CSMD1: variants seen among roughly 807,000 people sequenced by gnomAD.
CSMD1 encodes the protein CUB and Sushi multiple domains 1, also known as CUB and sushi domain-containing protein 1.
In CSMD1, 213 loss-of-function variants were observed where a neutral mutation model predicts 417.5. The observed-to-expected ratio is 0.51, with a 90% CI of 0.46 to 0.57. CSMD1 has a LOEUF of 0.57. Ranked by LOEUF, CSMD1 falls within the 20% of genes least tolerant of loss-of-function variation. The probability of loss-of-function intolerance (pLI) is 0.00; values close to 1 mark genes in which losing one functional copy is unlikely to be tolerated. For missense variants in CSMD1, 6,923 were observed against 4,529.7 expected, an observed-to-expected ratio of 1.53 and a Z score of -15.17; for synonymous variants, 2,862 against 1,736.8, an observed-to-expected ratio of 1.65 and a Z score of -16.11.
chr8:4,837,010 G>C (rs906637481), intron 1 of CSMD1, among the ~76,000 whole-genome samples: 2 of 149,380 alleles, frequency 1.3e-5, no homozygotes, highest in African/African-American at 5.1e-5. Context: ...CAGAAGACAG[G>C]GCTCTGGCCT....
At chr8:4,252,012 G>A (rs547066208) in intron 3 of CSMD1, among the ~76,000 whole-genome samples, 5 of 152,196 alleles carry the variant, frequency 3.3e-5, no homozygotes, top group Non-Finnish European at 4.4e-5. Flanking sequence ...GAGAACTTAC[G>A]TATTTTTGAG....
intron 3 of CSMD1, among the ~76,000 whole-genome samples, chr8:4,134,259 C>T (rs1171264652): frequency 6.6e-6 from 1 of 152,098 alleles, no homozygotes; most frequent in Non-Finnish European, 1.5e-5. Context: ...TATTAAATGC[C>T]ATTGCCACAA....
chr8:3,416,315 A>G (rs1477958401), intron 12 of CSMD1, among the ~76,000 whole-genome samples: 4 of 148,830 alleles, frequency 2.7e-5, no homozygotes, highest in Non-Finnish European at 5.9e-5. Context: ...AAAAAAAAAA[A>G]AAAAAAAAAA....
chr8:4,411,253 T>C (rs896138944), intron 3 of CSMD1, among the ~76,000 whole-genome samples: 1 of 152,190 alleles, frequency 6.6e-6, no homozygotes, highest in African/African-American at 2.4e-5. Flanking sequence ...TTACTGAAAA[T>C]TGATTATGAA....
chr8:4,538,242 T>A (rs1797204502), intron 2 of CSMD1, among the ~76,000 whole-genome samples: 1 of 151,432 alleles, frequency 6.6e-6, no homozygotes, highest in Admixed American at 6.6e-5. Context: ...GTGGCACCCT[T>A]ATATTTTTCT....
intron 26 of CSMD1, among the ~76,000 whole-genome samples, chr8:3,277,791 T>A (rs1291141809): frequency 6.6e-6 from 1 of 152,158 alleles, no homozygotes; most frequent in Non-Finnish European, 1.5e-5. Flanking sequence ...AGTACCAGAA[T>A]TGGACATTTA....
intron 2 of CSMD1, among the ~76,000 whole-genome samples, chr8:4,535,753 T>G (rs1239802654): frequency 6.6e-6 from 1 of 152,204 alleles, no homozygotes; most frequent in Non-Finnish European, 1.5e-5. Context: ...TACTCATTGT[T>G]AATAGGTTAG....
chr8:3,157,934 G>A lies in CSMD1; in HGVS notation c.5877C>T (p.Thr1959=), dbSNP rs756108315. The change falls in exon 39 of 70, where the codon ACC becomes ACT. Residue 1959 remains threonine, a synonymous_variant. Transcript: ENST00000635120. ...GRSHISCMPG[T]VRRWNYPSPL... is the part of the protein sequence containing the mutation. ...GAGACGGATAGTTCCAACGGCGAAC[G>A]GTCCCTGGCATACAGGAAATGTGGG... 7.7e-6 allele frequency: 12 copies of A among 1,554,880 alleles called. No individual in the cohort carries two copies. The highest frequency in any genetic ancestry group is 4.8e-5 in the South Asian group (4 of 84,122).
At chr8:3,801,093 G>C (rs960627124) in intron 5 of CSMD1, among the ~76,000 whole-genome samples, 2 of 151,718 alleles carry the variant, frequency 1.3e-5, no homozygotes, top group Non-Finnish European at 2.9e-5. Context: ...AAAGCACAAG[G>C]AATTAAAGAA....
intron 3 of CSMD1, among the ~76,000 whole-genome samples, chr8:4,223,220 A>T (rs185655854): frequency 1.3e-5 from 2 of 152,166 alleles, no homozygotes; most frequent in Admixed American, 1.3e-4. Context: ...GCCACAAATG[A>T]AATCTTTGCT....
chr8:4,197,160 C>T (rs1426932133), intron 3 of CSMD1, among the ~76,000 whole-genome samples: 1 of 152,180 alleles, frequency 6.6e-6, no homozygotes, highest in Non-Finnish European at 1.5e-5. Context: ...ATCACCTGTT[C>T]TCCTACGGTC....
At chr8:4,035,872 G>T (rs907579203) in intron 3 of CSMD1, among the ~76,000 whole-genome samples, 1 of 152,100 alleles carries the variant, frequency 6.6e-6, no homozygotes, top group Non-Finnish European at 1.5e-5. Flanking sequence ...ACATAGTCCC[G>T]TCCGAAGCCT....
At chr8:3,902,109 G>T (rs1563193695) in intron 5 of CSMD1, among the ~76,000 whole-genome samples, 1 of 152,112 alleles carries the variant, frequency 6.6e-6, no homozygotes, top group Non-Finnish European at 1.5e-5. Context: ...TGAACACATT[G>T]CTAAGCCTTA....
rs1584967060 is a variant in CSMD1 at position 4,702,862 on chromosome 8, AG to A, written c.86-65305del. 2.0e-5 allele frequency among the ~76,000 whole-genome samples: 3 copies of A among 152,308 alleles called. No homozygotes were observed. In the East Asian group the frequency reaches 5.8e-4, roughly 29 times the overall value. Reference sequence around the variant, plus strand: ...GTTCTTTAATGGATAACATTATTAAAGAAAATTATTTAAAAGTCTCTAAAAA... The same window carrying A: ...GTTCTTTAATGGATAACATTATTAAAAAAATTATTTAAAAGTCTCTAAAAA... On this transcript the variant is annotated intron_variant, in intron 1 of 69. Coordinates refer to ENST00000635120, the MANE Select transcript of CSMD1 (RefSeq NM_033225.6).
chr8:3,244,153 G>C (rs143172571), intron 26 of CSMD1, among the ~76,000 whole-genome samples: 36 of 152,342 alleles, frequency 2.4e-4, no homozygotes, highest in African/African-American at 7.7e-4. Context: ...AAGGAAAGCT[G>C]TTGGGTTCGA....
intron 1 of CSMD1, among the ~76,000 whole-genome samples, chr8:4,828,980 T>A (rs187625570): frequency 8.5e-5 from 13 of 152,270 alleles, no homozygotes; most frequent in East Asian, 7.7e-4. Context: ...ACCTGACACA[T>A]GATTATTTAT....
At chr8:3,770,108 T>C (rs544119299) in intron 5 of CSMD1, among the ~76,000 whole-genome samples, 19 of 152,342 alleles carry the variant, frequency 1.2e-4, no homozygotes, top group African/African-American at 4.3e-4. Context: ...ATCAGAGCGA[T>C]TGGCACAGCT....
At chr8:4,961,137 T>C (rs1298960453) in intron 1 of CSMD1, among the ~76,000 whole-genome samples, 2 of 152,238 alleles carry the variant, frequency 1.3e-5, no homozygotes, top group African/African-American at 4.8e-5. Flanking sequence ...TATGATTAAC[T>C]TCTTACCTTG....
intron 3 of CSMD1, among the ~76,000 whole-genome samples, chr8:4,308,446 T>C (rs991162586): frequency 1.3e-5 from 2 of 152,114 alleles, no homozygotes; most frequent in African/African-American, 4.8e-5. Flanking sequence ...GGAAAAAAGG[T>C]TTAGAAAAGG....
Sources: allele counts gnomAD v4.1 joint callset (sites outside exome capture counted in the v4.1 genomes callset), GRCh38; gene constraint gnomAD v4.1.1; transcripts MANE v1.5; gene names NCBI Gene and HGNC (gene_info 2026-07-23, HGNC 2026-07-21).